Variants in COL5A2 observed in about 807,000 individuals in gnomAD.
COL5A2 encodes the protein collagen type V alpha 2 chain.
In COL5A2, 23 loss-of-function variants were observed where a neutral mutation model predicts 208.2. The ratio of observed to expected loss-of-function variants is 0.11; its 90% CI spans 0.08 to 0.16. The LOEUF (loss-of-function observed/expected upper bound fraction) is 0.16, where lower values mean the gene tolerates loss of function less well. COL5A2 is among the 10% of genes least tolerant of loss of function. The probability of loss-of-function intolerance (pLI) is 1.00; values close to 1 mark genes in which losing one functional copy is unlikely to be tolerated. For missense variants in COL5A2, 1,590 were observed against 1,956.4 expected (o/e 0.81, Z 3.53); for synonymous variants, 625 against 628.5 (o/e 0.99, Z 0.08).
chr2:189,296,252 A>AT, the COL5A2 span, among the ~76,000 whole-genome samples: 3 of 151,776 alleles, frequency 2.0e-5, no homozygotes, highest in South Asian at 2.1e-4. Flanking sequence ...TTAATACTAT[A>AT]TTTTTTTTAT....
chr2:189,119,949 G>A (rs1687467728), intron 1 of COL5A2, among the ~76,000 whole-genome samples: 1 of 151,962 alleles, frequency 6.6e-6, no homozygotes, highest in African/African-American at 2.4e-5. Flanking sequence ...GATAAAACAT[G>A]AGCCTTTACT....
At chr2:189,333,138 T>C in the COL5A2 span, among the ~76,000 whole-genome samples, 3 of 152,118 alleles carry the variant, frequency 2.0e-5, no homozygotes, top group Non-Finnish European at 4.4e-5. Context: ...CCAATCTTAC[T>C]CTTTCGAAAT....
chr2:189,143,798 G>A (rs185334063), intron 1 of COL5A2, among the ~76,000 whole-genome samples: 278 of 152,052 alleles, frequency 1.8e-3, no homozygotes, highest in African/African-American at 6.1e-3. Context: ...GTCTTAAACT[G>A]GACTTTGAAA....
intron 46 of COL5A2, 36 bp from the exon 47 acceptor site, chr2:189,045,268 A>T (rs539325198): frequency 2.8e-5 from 41 of 1,444,488 alleles, no homozygotes; most frequent in Middle Eastern, 1.8e-4. Flanking sequence ...ATTGGCATGT[A>T]AAAAAGATAT....
chr2:189,409,142 T>C, the COL5A2 span, among the ~76,000 whole-genome samples: 1 of 151,664 alleles, frequency 6.6e-6, no homozygotes, highest in Non-Finnish European at 1.5e-5. Flanking sequence ...TGACACAAGA[T>C]AGATTCTGCT....
chr2:189,325,862 C>T, the COL5A2 span, among the ~76,000 whole-genome samples: 9 of 151,958 alleles, frequency 5.9e-5, no homozygotes, highest in Non-Finnish European at 7.4e-5. Flanking sequence ...TTTGGGAGGC[C>T]GAGCCAGGCA....
the COL5A2 span, among the ~76,000 whole-genome samples, chr2:189,291,921 G>T: frequency 2.0e-5 from 3 of 151,948 alleles, no homozygotes; most frequent in Non-Finnish European, 2.9e-5. Flanking sequence ...GATATTTTTG[G>T]ATTTTCTCTA....
the COL5A2 span, among the ~76,000 whole-genome samples, chr2:189,431,342 C>T: frequency 2.0e-5 from 3 of 152,154 alleles, no homozygotes; most frequent in African/African-American, 7.2e-5. Context: ...CAGAGAAAGA[C>T]TTTGATGAGT....
In COL5A2 at chr2:189,053,032, T is replaced by C. The variant is rs142429770; in HGVS notation, c.2554-14A>G. ...TCCGTCAGGACCCTATAAAAAATTA[T>C]ACAAACAAGCAATTGATTATAAGAC... is the stretch of plus-strand genomic sequence containing the variant. On this transcript the variant is annotated splice_polypyrimidine_tract_variant and intron_variant, in intron 38 of 53. Coordinates refer to ENST00000374866, the MANE Select transcript of COL5A2 (RefSeq NM_000393.5). The C allele has an allele frequency of 7.8e-3, 12,505 of 1,594,418 alleles. 67 individuals carry two copies. Among genetic ancestry groups the C allele is most frequent in the Non-Finnish European group, 9.0e-3 (10,445 of 1,162,344 alleles).
intron 46 of COL5A2, 93 bp from the exon 47 acceptor site, chr2:189,045,325 G>T: frequency 1.3e-6 from 1 of 764,036 alleles, no homozygotes; most frequent in South Asian, 1.5e-5. Context: ...TTTATAGTTG[G>T]ATGCATATAT....
At chr2:189,163,391 G>A (rs1378484502) in intron 1 of COL5A2, among the ~76,000 whole-genome samples, 2 of 152,150 alleles carry the variant, frequency 1.3e-5, no homozygotes, top group African/African-American at 4.8e-5. Flanking sequence ...AACACATGAT[G>A]CATTTACATA....
the COL5A2 span, among the ~76,000 whole-genome samples, chr2:189,404,783 A>G: frequency 3.0e-3 from 453 of 152,330 alleles, 1 homozygote; most frequent in Middle Eastern, 0.01. Context: ...TACAAATCTT[A>G]AAGGCTAGCT....
chr2:189,429,483 A>C, the COL5A2 span, among the ~76,000 whole-genome samples: 1 of 152,150 alleles, frequency 6.6e-6, no homozygotes, highest in Non-Finnish European at 1.5e-5. Context: ...GAGATTTTAA[A>C]AGTATAACTT....
In COL5A2 at chr2:189,052,153, T is replaced by A. The variant is rs111609220; in HGVS notation, c.2769+19A>T. On this transcript the variant is annotated intron_variant, in intron 41 of 53. Coordinates refer to ENST00000374866, the MANE Select transcript of COL5A2 (RefSeq NM_000393.5). Reference sequence around the variant, plus strand: ...TAATTATTTCATTATCAGTGACTTGTCTCACTAAGTTGACTTACAGCAGGG... The same window carrying A: ...TAATTATTTCATTATCAGTGACTTGACTCACTAAGTTGACTTACAGCAGGG... 7.9e-4 allele frequency: 1,269 copies of A among 1,608,088 alleles called. 7 individuals are homozygous for A. In the African/African-American group the frequency reaches 0.015, roughly 18 times the overall value.
At chr2:189,161,104 G>C (rs1204484422) in intron 1 of COL5A2, among the ~76,000 whole-genome samples, 1 of 150,822 alleles carries the variant, frequency 6.6e-6, no homozygotes, top group African/African-American at 2.4e-5. Flanking sequence ...ACAGGTGTGG[G>C]CCACCGCGCC....
chr2:189,119,634 T>C (rs1687461800), intron 1 of COL5A2, among the ~76,000 whole-genome samples: 1 of 152,072 alleles, frequency 6.6e-6, no homozygotes, highest in South Asian at 2.1e-4. Context: ...GAATAAAATA[T>C]CTATAAAGGA....
the COL5A2 span, among the ~76,000 whole-genome samples, chr2:189,234,899 A>T: frequency 6.6e-5 from 10 of 151,678 alleles, no homozygotes; most frequent in Non-Finnish European, 1.5e-4. Flanking sequence ...CAGTCACATT[A>T]AAAAGGTAAA....
the COL5A2 span, among the ~76,000 whole-genome samples, chr2:189,430,126 C>G: frequency 6.6e-6 from 1 of 152,198 alleles, no homozygotes; most frequent in African/African-American, 2.4e-5. Flanking sequence ...CTCCCTTGCA[C>G]TGCACCTACC....
At chr2:189,427,876 A>G in the COL5A2 span, among the ~76,000 whole-genome samples, 9 of 152,252 alleles carry the variant, frequency 5.9e-5, no homozygotes, top group East Asian at 1.7e-3. Context: ...TGAGTTTCAG[A>G]CTTGCATGGG....
Sources: gnomAD v4.1 joint callset for allele counts (sites outside exome capture counted in the v4.1 genomes callset) on GRCh38, gnomAD v4.1.1 for gene constraint, MANE v1.5 for transcripts, NCBI Gene and HGNC (gene_info 2026-07-23, HGNC 2026-07-21) for gene names.